The following EPHA4 variants were observed in gnomAD, a reference collection of about 807,000 sequenced individuals.
The protein encoded by EPHA4 is ephrin type-A receptor 4.
A neutral mutation model predicts 108.3 loss-of-function variants in EPHA4; 19 were observed. That is an observed-to-expected ratio of 0.18 (90% confidence interval 0.12 to 0.26). The LOEUF (loss-of-function observed/expected upper bound fraction) is 0.26. Ranked by LOEUF, EPHA4 falls within the 10% of genes least tolerant of loss-of-function variation. The pLI, the probability that EPHA4 is intolerant of heterozygous loss-of-function variation, is 1.00. For synonymous variants in EPHA4, 449 were observed against 455.5 expected (o/e 0.99, Z 0.18); for missense variants, 917 against 1,254.0 (o/e 0.73, Z 4.06).
chr2:221,479,587 T>A (rs1029161638), intron 5 of EPHA4, among the ~76,000 whole-genome samples: 3 of 152,192 alleles, frequency 2.0e-5, no homozygotes, highest in Admixed American at 2.0e-4. Context: ...AACATAATTG[T>A]GTGTATGTAA....
chr2:221,571,600 G>C lies in EPHA4; in HGVS notation c.91+558C>G, dbSNP rs1026508300. Among the ~76,000 whole-genome samples, 1 of 152,156 alleles carries C rather than the reference G, an allele frequency of 6.6e-6. No individual in the cohort carries two copies. The highest frequency in any genetic ancestry group is 1.5e-5 in the Non-Finnish European group (1 of 68,020). On this transcript the variant is annotated intron_variant, in intron 1 of 17. Coordinates refer to ENST00000281821, the MANE Select transcript of EPHA4 (RefSeq NM_004438.5). This position sits in a 1 kb window ranked among gnomAD's most constrained non-coding sequence, Gnocchi z 6.3. ...GGCGAGGAGAAAGGTGTCTGACTCC[G>C]GGTGCTAGAAATCAGGTCACTGGCG...
intron 3 of EPHA4, among the ~76,000 whole-genome samples, chr2:221,535,053 A>G (rs1196633813): frequency 6.6e-6 from 1 of 152,188 alleles, no homozygotes; most frequent in Non-Finnish European, 1.5e-5. Context: ...AATCTTATCC[A>G]GTTAAAAAGA....
intron 5 of EPHA4, among the ~76,000 whole-genome samples, chr2:221,471,240 A>AT (rs199713067): frequency 1.3e-5 from 2 of 151,868 alleles, no homozygotes; most frequent in Non-Finnish European, 2.9e-5. Context: ...TTTTGTTTTT[A>AT]TTTTTTTAAA....
rs140990357 is a variant in EPHA4, at chr2:221,420,964, C to A, written c.*820-412G>T. 4.3e-4 allele frequency among the ~76,000 whole-genome samples: 65 copies of A among 152,306 alleles called. 3 individuals carry two copies. Among genetic ancestry groups the A allele is most frequent in the African/African-American group, 1.4e-3 (59 of 41,574 alleles). On this transcript the variant is annotated intron_variant, in intron 17 of 17. Transcript: ENST00000281821. ...ATGAAATGAAAATCCTGACTTGTTT[C>A]AGTTCACAATCCACCCATAGTCAAC...
intron 3 of EPHA4, among the ~76,000 whole-genome samples, chr2:221,535,134 G>T (rs1020276248): frequency 2.6e-5 from 4 of 152,150 alleles, no homozygotes; most frequent in African/African-American, 9.7e-5. Flanking sequence ...TTTCAACTGG[G>T]TGTCATCCAG....
chr2:221,567,207 G>T (rs1047649158), intron 2 of EPHA4, among the ~76,000 whole-genome samples: 2 of 151,982 alleles, frequency 1.3e-5, no homozygotes, highest in African/African-American at 4.8e-5. Flanking sequence ...GAAAAATAAG[G>T]CTCACTGAAT....
At chr2:221,446,036 G>A (rs1690584376) in intron 9 of EPHA4, 87 bp downstream of exon 9, 1 of 723,152 alleles carries the variant, frequency 1.4e-6, no homozygotes, top group Non-Finnish European at 2.2e-6. Flanking sequence ...AACATTAATA[G>A]CCACGTAAAT....
At chr2:221,494,766 C>A (rs955194417) in intron 4 of EPHA4, among the ~76,000 whole-genome samples, 1 of 152,102 alleles carries the variant, frequency 6.6e-6, no homozygotes, top group Non-Finnish European at 1.5e-5. Context: ...GTTGACCACG[C>A]CCAGTCCTGC....
chr2:221,542,415 T>G (rs1366886889), intron 3 of EPHA4, among the ~76,000 whole-genome samples: 1 of 152,150 alleles, frequency 6.6e-6, no homozygotes, highest in Admixed American at 6.5e-5. Flanking sequence ...AACAATTGAT[T>G]ACACAGCAAT....
chr2:221,484,247 C>T (rs1691914528), intron 4 of EPHA4, among the ~76,000 whole-genome samples: 1 of 152,134 alleles, frequency 6.6e-6, no homozygotes, highest in Non-Finnish European at 1.5e-5. Context: ...AAATCATATT[C>T]AATATTTATT....
rs1689915934 is a variant in EPHA4, at chr2:221,426,545, G to A, written c.2765C>T (p.Ala922Val). The change falls in exon 16 of 18, where the codon GCC becomes GTC. Residue 922 changes from alanine to valine, a missense_variant. This residue lies in a region of EPHA4 where 133 missense variants were observed against 132.8 expected (regional missense o/e 1.00). Coordinates refer to ENST00000281821, the MANE Select transcript of EPHA4 (RefSeq NM_004438.5). Reference protein sequence around the residue: ...AVVSVGDWLQAIKMDRYKDNF... With the variant: ...AVVSVGDWLQVIKMDRYKDNF... ...ATCCTTATACCGGTCCATTTTAATG[G>A]CCTGGAGCCAATCGCCCACTGATAC... 6.2e-7 allele frequency: 1 copy of A among 1,614,056 alleles called. No individual in the cohort carries two copies.
At chr2:221,434,959 AAC>A (rs1690186178) in intron 13 of EPHA4, among the ~76,000 whole-genome samples, 2 of 152,310 alleles carry the variant, frequency 1.3e-5, no homozygotes, top group Admixed American at 1.3e-4. Context: ...AAAGTTGCAA[AAC>A]ACACTTTTTT....
intron 4 of EPHA4, among the ~76,000 whole-genome samples, chr2:221,495,228 C>T (rs189425649): frequency 1.3e-5 from 2 of 152,260 alleles, no homozygotes; most frequent in African/African-American, 4.8e-5. Flanking sequence ...TGAAGTATTC[C>T]ATTTCCATGA....
chr2:221,563,484 AGATAT>A (rs1352196389), intron 3 of EPHA4, among the ~76,000 whole-genome samples: 2 of 152,238 alleles, frequency 1.3e-5, no homozygotes, highest in Non-Finnish European at 2.9e-5. Context: ...AAGCCAGTTC[AGATAT>A]AAGTGCCTGT....
chr2:221,533,415 T>C (rs898072689), intron 3 of EPHA4, among the ~76,000 whole-genome samples: 1 of 151,930 alleles, frequency 6.6e-6, no homozygotes, highest in Admixed American at 6.6e-5. Context: ...TATGTATCAA[T>C]AAAGGATGCA....
intron 2 of EPHA4, among the ~76,000 whole-genome samples, chr2:221,566,639 C>A (rs1390857220): frequency 1.3e-5 from 2 of 151,086 alleles, no homozygotes; most frequent in Non-Finnish European, 2.9e-5. Context: ...GAAAAAAAAA[C>A]CTGCTTATAT....
chr2:221,563,921 C>T lies in EPHA4; in HGVS notation c.633G>A (p.Leu211=). 6.2e-7 allele frequency: 1 copy of T among 1,614,174 alleles called. No individual in the cohort carries two copies. The highest frequency in any genetic ancestry group is 8.5e-7 in the Non-Finnish European group (1 of 1,180,030). The part of the protein sequence containing the change: ...YKKCPLTVRN[L]AQFPDTITGA... ...CTGTGATGGTGTCAGGAAACTGGGC[C>T]AGATTGCGGACTGTGAGTGGACACT... Residue 211 remains leucine (L), a synonymous_variant, in exon 3 of 18, where the codon CTG becomes CTA. Coordinates refer to ENST00000281821, the MANE Select transcript of EPHA4 (RefSeq NM_004438.5).
intron 3 of EPHA4, among the ~76,000 whole-genome samples, chr2:221,559,986 C>G (rs1191157418): frequency 6.6e-6 from 1 of 152,206 alleles, no homozygotes; most frequent in South Asian, 2.1e-4. Context: ...TCCTTCCTCT[C>G]CATTAGCATG....
intron 3 of EPHA4, among the ~76,000 whole-genome samples, chr2:221,544,344 G>C (rs906634842): frequency 6.6e-6 from 1 of 151,114 alleles, no homozygotes; most frequent in African/African-American, 2.4e-5. Context: ...ACTTTTTTTT[G>C]AGATGGAGGC....
Sources: allele counts gnomAD v4.1 joint callset (sites outside exome capture counted in the v4.1 genomes callset), GRCh38; gene constraint gnomAD v4.1.1; regional missense constraint gnomAD v4.1.1; non-coding constraint Gnocchi (gnomAD v3.1); transcripts MANE v1.5; gene names NCBI Gene and HGNC (gene_info 2026-07-23, HGNC 2026-07-21).